GRM3: variants seen among roughly 807,000 people sequenced by gnomAD.
GRM3 encodes the protein metabotropic glutamate receptor 3.
Under a neutral mutation model 70.5 loss-of-function variants are expected in GRM3, and 26 were observed. The ratio of observed to expected loss-of-function variants is 0.37; its 90% CI spans 0.27 to 0.51. The LOEUF (loss-of-function observed/expected upper bound fraction) is 0.51, where lower values mean the gene tolerates loss of function less well. GRM3 is among the 20% of genes least tolerant of loss of function. The pLI is 0.93. For synonymous variants in GRM3, 443 were observed against 434.9 expected (o/e 1.02, Z -0.23); for missense variants, 859 against 1,123.8 (o/e 0.76, Z 3.37).
At chr7:86,660,637 G>A (rs1584145358) in intron 1 of GRM3, among the ~76,000 whole-genome samples, 1 of 90,250 alleles carries the variant, frequency 1.1e-5, no homozygotes, top group Non-Finnish European at 2.2e-5. Flanking sequence ...GGATTCATTA[G>A]TTGATAAAAA....
rs1798513690 is a variant in GRM3 at position 86,839,166 on chromosome 7, C to G, written c.1652C>G (p.Ser551Cys). Residue 551 changes from serine to cysteine, a missense_variant, in exon 4 of 6, where the codon TCT becomes TGT. Ser to Cys is a moderately radical substitution (Grantham distance 112). Coordinates refer to ENST00000361669, the MANE Select transcript of GRM3 (RefSeq NM_000840.3). This position sits in a 1 kb window ranked among gnomAD's most constrained non-coding sequence, Gnocchi z 4.5. ...ADEFTCMDCG[S>C]GQWPTADLTG... ...GAGTTTACCTGTATGGATTGTGGGT[C>G]TGGACAGTGGCCCACTGCAGACCTA... The G allele has an allele frequency of 6.2e-7, 1 of 1,613,882 alleles. No individual in the cohort carries two copies. Among genetic ancestry groups the G allele is most frequent in the South Asian group, 1.1e-5 (1 of 91,074 alleles).
chr7:86,671,294 G>A (rs1794165588), intron 1 of GRM3, among the ~76,000 whole-genome samples: 1 of 152,126 alleles, frequency 6.6e-6, no homozygotes, highest in Non-Finnish European at 1.5e-5. Flanking sequence ...TCAGTGTATG[G>A]TAATTATGTA....
chr7:86,776,440 T>C lies in GRM3; in HGVS notation c.469-9821T>C, dbSNP rs545102181. 6.8e-4 allele frequency among the ~76,000 whole-genome samples: 103 copies of C among 152,238 alleles called. 1 individual carries two copies. Among genetic ancestry groups the C allele is most frequent in the African/African-American group, 2.0e-3 (84 of 41,556 alleles). On this transcript the variant is annotated intron_variant, in intron 2 of 5. Coordinates refer to ENST00000361669, the MANE Select transcript of GRM3 (RefSeq NM_000840.3). The stretch of plus-strand genomic sequence containing the variant: ...TAAAGAGTAGTTAACAAGAAAACAA[T>C]GAATAACACAATTCTGTTTGCTACA...
intron 3 of GRM3, among the ~76,000 whole-genome samples, chr7:86,790,932 G>A (rs947676625): frequency 6.6e-6 from 1 of 151,406 alleles, no homozygotes; most frequent in African/African-American, 2.4e-5. Flanking sequence ...TTCACCCCAT[G>A]ACATTTTCCC....
intron 3 of GRM3, among the ~76,000 whole-genome samples, chr7:86,814,328 T>C (rs1338102875): frequency 1.3e-5 from 2 of 151,498 alleles, no homozygotes; most frequent in East Asian, 3.9e-4. Context: ...CACCCAACAC[T>C]CCAGCAGTAG....
intron 2 of GRM3, among the ~76,000 whole-genome samples, chr7:86,771,798 A>G (rs796415421): frequency 2.0e-5 from 3 of 152,188 alleles, no homozygotes; most frequent in African/African-American, 7.2e-5. Flanking sequence ...AATAGAATTG[A>G]ACAGGGGAAA....
intron 1 of GRM3, among the ~76,000 whole-genome samples, chr7:86,696,359 T>A (rs1794817014): frequency 1.5e-5 from 2 of 134,626 alleles, no homozygotes; most frequent in Non-Finnish European, 3.3e-5. Context: ...AATGTGACAA[T>A]AGTAAAGATT....
chr7:86,814,070 G>A (rs766546339), intron 3 of GRM3, among the ~76,000 whole-genome samples: 1 of 151,704 alleles, frequency 6.6e-6, no homozygotes, highest in Non-Finnish European at 1.5e-5. Flanking sequence ...CTATAAGCAC[G>A]ATCAGAAGAT....
chr7:86,796,512 GT>G (rs957019362), intron 3 of GRM3, among the ~76,000 whole-genome samples: 2 of 151,808 alleles, frequency 1.3e-5, no homozygotes, highest in Middle Eastern at 3.4e-3. Context: ...TGCCACCTTT[GT>G]TTTTTTTGCT....
intron 1 of GRM3, among the ~76,000 whole-genome samples, chr7:86,712,289 T>C (rs141849165): frequency 1.5e-4 from 23 of 152,160 alleles, no homozygotes; most frequent in Non-Finnish European, 2.6e-4. Flanking sequence ...TTTGCTGCCA[T>C]AGTGTTCTCT....
chr7:86,702,689 A>T (rs1445518122), intron 1 of GRM3, among the ~76,000 whole-genome samples: 2 of 151,922 alleles, frequency 1.3e-5, no homozygotes, highest in East Asian at 3.9e-4. Context: ...AAACAAAATG[A>T]TCTCTATCTT....
intron 1 of GRM3, among the ~76,000 whole-genome samples, chr7:86,757,892 CT>C (rs1796386344): frequency 1.3e-5 from 2 of 152,080 alleles, no homozygotes; most frequent in South Asian, 4.1e-4. Flanking sequence ...TTGACTTCTC[CT>C]AGTAACCATG....
At chr7:86,759,033 G>A (rs904687970) in intron 1 of GRM3, among the ~76,000 whole-genome samples, 1 of 152,060 alleles carries the variant, frequency 6.6e-6, no homozygotes, top group Admixed American at 6.6e-5. Context: ...CACACATTGT[G>A]GGATTTCAAA....
chr7:86,721,925 A>C (rs1196566534), intron 1 of GRM3, among the ~76,000 whole-genome samples: 1 of 152,146 alleles, frequency 6.6e-6, no homozygotes, highest in Non-Finnish European at 1.5e-5. Flanking sequence ...GGAAGATACC[A>C]GGAGAAACAT....
At chr7:86,848,687 T>C (rs115112866) in intron 4 of GRM3, among the ~76,000 whole-genome samples, 1,779 of 152,262 alleles carry the variant, frequency 0.012, 40 homozygotes, top group African/African-American at 0.041. Flanking sequence ...GGTTTTTGTG[T>C]GGCCCATCTT....
chr7:86,678,233 C>G, intron 1 of GRM3, among the ~76,000 whole-genome samples: 1 of 151,782 alleles, frequency 6.6e-6, no homozygotes, highest in East Asian at 1.9e-4. Context: ...GTAAATATAT[C>G]TTTCATAAAC....
intron 1 of GRM3, among the ~76,000 whole-genome samples, chr7:86,745,999 T>C (rs117048602): frequency 0.014 from 2,135 of 152,074 alleles, 30 homozygotes; most frequent in Middle Eastern, 0.044. Flanking sequence ...TCTAATCCCA[T>C]GCCTAGGAAA....
chr7:86,740,825 C>T (rs1036867241), intron 1 of GRM3, among the ~76,000 whole-genome samples: 60 of 152,170 alleles, frequency 3.9e-4, no homozygotes, highest in Admixed American at 3.9e-3. Context: ...GGTCTGTCAT[C>T]TTCCTACCAG....
At chr7:86,763,913 G>A (rs937692871) in intron 1 of GRM3, among the ~76,000 whole-genome samples, 1 of 152,108 alleles carries the variant, frequency 6.6e-6, no homozygotes, top group Non-Finnish European at 1.5e-5. Context: ...GTCCTGCTAC[G>A]AATTACAAGA....
Sources: gnomAD v4.1 joint callset for allele counts (sites outside exome capture counted in the v4.1 genomes callset) on GRCh38, gnomAD v4.1.1 for gene constraint, Gnocchi (gnomAD v3.1) non-coding constraint, MANE v1.5 for transcripts, NCBI Gene and HGNC (gene_info 2026-07-23, HGNC 2026-07-21) for gene names.